Variants in KCNT2 observed in about 807,000 individuals in gnomAD.
KCNT2 encodes the protein potassium sodium-activated channel subfamily T member 2.
KCNT2 carries 67 observed loss-of-function variants against 153.8 expected under a neutral mutation model. The ratio of observed to expected loss-of-function variants is 0.44; its 90% CI spans 0.36 to 0.53. The LOEUF (loss-of-function observed/expected upper bound fraction) is 0.53. Ranked by LOEUF, KCNT2 falls within the 20% of genes least tolerant of loss-of-function variation. KCNT2 has a pLI of 0.00. For synonymous variants in KCNT2, 500 were observed against 458.8 expected, an observed-to-expected ratio of 1.09 and a Z score of -1.15; for missense variants, 975 against 1,354.8, an observed-to-expected ratio of 0.72 and a Z score of 4.40.
At position 196,329,950 on chromosome 1, in the gene KCNT2, C is replaced by CATATATATATATATAT. The variant is rs71154737; in HGVS notation, c.2103+1190_2103+1205dup. ...AAATGGATAATTCTGTTCCTCAAGA[C>CATATATATATATATAT]ATATATATATATATATATATATATA... On this transcript the variant is annotated intron_variant, in intron 18 of 27. Transcript: ENST00000294725. Among the ~76,000 whole-genome samples, 288 of 73,492 alleles carry CATATATATATATATAT rather than the reference C, an allele frequency of 3.9e-3. 5 individuals are homozygous for CATATATATATATATAT. The highest frequency in any genetic ancestry group is 8.3e-3 in the African/African-American group (124 of 14,966). 48.2% of individuals were successfully genotyped at this position (73,492 alleles called of 152,430 possible).
At chr1:196,432,171 G>A (rs1473203330) in intron 8 of KCNT2, among the ~76,000 whole-genome samples, 1 of 152,102 alleles carries the variant, frequency 6.6e-6, no homozygotes, top group Non-Finnish European at 1.5e-5. Flanking sequence ...GGTAAACCTT[G>A]GTGGCATCCA....
Position 196,319,512 on chromosome 1 carries a change from C to G in KCNT2, c.2320G>C (p.Val774Leu), listed in dbSNP as rs1311520146. The change falls in exon 20 of 28, where the codon GTT (valine) becomes CTT (leucine). Residue 774 changes from valine to leucine, a missense_variant. Val to Leu is a conservative substitution (Grantham distance 32). This residue lies in a region of KCNT2 where 325 missense variants were observed against 388.1 expected (regional missense o/e 0.84). Transcript: ENST00000294725. ...TCAATAGAGCCCACCATGTAGTAAA[C>G]CATTGGAAACCAACAGATTGCATCC... is the stretch of plus-strand genomic sequence containing the variant. ...FLDAICWFPM[V>L]YYMVGSIDNL... 9.3e-6 allele frequency: 15 copies of G among 1,610,014 alleles called. No homozygotes were observed. The highest frequency in any genetic ancestry group is 1.7e-6 in the Non-Finnish European group (2 of 1,177,468).
chr1:196,405,603 A>G (rs1671764165), intron 12 of KCNT2, among the ~76,000 whole-genome samples: 1 of 151,446 alleles, frequency 6.6e-6, no homozygotes, highest in Non-Finnish European at 1.5e-5. Flanking sequence ...ACCTCTCCAT[A>G]AATTTATAAT....
chr1:196,478,845 G>A (rs1429327144), intron 5 of KCNT2, among the ~76,000 whole-genome samples: 1 of 152,088 alleles, frequency 6.6e-6, no homozygotes, highest in Admixed American at 6.6e-5. Context: ...TAATTCCTAA[G>A]AGACATGTTT....
chr1:196,436,294 G>C (rs911085907), intron 8 of KCNT2, among the ~76,000 whole-genome samples: 2 of 151,482 alleles, frequency 1.3e-5, no homozygotes, highest in Admixed American at 6.6e-5. Context: ...AATTATTCAA[G>C]TAAAATATAT....
intron 1 of KCNT2, among the ~76,000 whole-genome samples, chr1:196,576,152 G>T (rs1399254180): frequency 6.6e-6 from 1 of 151,134 alleles, no homozygotes; most frequent in Non-Finnish European, 1.5e-5. Flanking sequence ...TGCTAAATAG[G>T]TATGATTATA....
intron 8 of KCNT2, among the ~76,000 whole-genome samples, chr1:196,446,228 G>A (rs147008786): frequency 1.1e-3 from 160 of 151,414 alleles, no homozygotes; most frequent in African/African-American, 3.7e-3. Context: ...GCAAAAGATA[G>A]ATTTCTTTAA....
At chr1:196,524,364 AG>A (rs902700724) in intron 1 of KCNT2, among the ~76,000 whole-genome samples, 1 of 148,898 alleles carries the variant, frequency 6.7e-6, no homozygotes, top group Non-Finnish European at 1.5e-5. Context: ...ACTGAGAATA[AG>A]GGGGGAAAAA....
At chr1:196,569,520 T>A (rs1660517400) in intron 1 of KCNT2, among the ~76,000 whole-genome samples, 1 of 152,232 alleles carries the variant, frequency 6.6e-6, no homozygotes, top group South Asian at 2.1e-4. Context: ...AACATTAGGA[T>A]AAAGCTATCA....
At chr1:196,474,200 T>C (rs902768586) in intron 5 of KCNT2, among the ~76,000 whole-genome samples, 3 of 152,166 alleles carry the variant, frequency 2.0e-5, no homozygotes, top group African/African-American at 7.2e-5. Flanking sequence ...CATGGAACCT[T>C]GGAACTACTA....
At chr1:196,265,919 ATACT>A (rs1323674683) in intron 25 of KCNT2, among the ~76,000 whole-genome samples, 1 of 152,168 alleles carries the variant, frequency 6.6e-6, no homozygotes, top group African/African-American at 2.4e-5. Context: ...AACCCTGATG[ATACT>A]TACTTGAGAC....
chr1:196,273,086 T>C (rs1462823391), intron 25 of KCNT2, among the ~76,000 whole-genome samples: 2 of 151,858 alleles, frequency 1.3e-5, no homozygotes, highest in Non-Finnish European at 2.9e-5. Context: ...GCACTAAGAA[T>C]AACATAAGGG....
intron 13 of KCNT2, among the ~76,000 whole-genome samples, chr1:196,395,252 A>G (rs1194295013): frequency 1.3e-5 from 2 of 151,592 alleles, no homozygotes; most frequent in Admixed American, 6.6e-5. Flanking sequence ...TGAGTTTCGT[A>G]TCAAGGCTAT....
chr1:196,412,044 G>A (rs1672382203), intron 12 of KCNT2, among the ~76,000 whole-genome samples: 1 of 151,726 alleles, frequency 6.6e-6, no homozygotes, highest in Non-Finnish European at 1.5e-5. Flanking sequence ...TGATAATGAT[G>A]TACGAGCTCT....
intron 1 of KCNT2, among the ~76,000 whole-genome samples, chr1:196,526,307 A>C (rs1654197401): frequency 6.6e-6 from 1 of 150,914 alleles, no homozygotes; most frequent in South Asian, 2.1e-4. Flanking sequence ...ATTATAATAT[A>C]TAAATCATAT....
At chr1:196,294,841 A>AC (rs1660534163) in intron 22 of KCNT2, among the ~76,000 whole-genome samples, 1 of 151,742 alleles carries the variant, frequency 6.6e-6, no homozygotes, top group Non-Finnish European at 1.5e-5. Context: ...CTAAAAAAAA[A>AC]TTATGTCATT....
At chr1:196,504,784 G>C (rs1680994699) in intron 1 of KCNT2, among the ~76,000 whole-genome samples, 1 of 152,244 alleles carries the variant, frequency 6.6e-6, no homozygotes, top group South Asian at 2.1e-4. Flanking sequence ...ATTCTAACTG[G>C]TGTGAGATGG....
At chr1:196,367,548 ATAAC>A (rs1262234973) in intron 14 of KCNT2, among the ~76,000 whole-genome samples, 1 of 152,194 alleles carries the variant, frequency 6.6e-6, no homozygotes, top group Non-Finnish European at 1.5e-5. Flanking sequence ...AAATATTTAC[ATAAC>A]TAACAGATAC....
chr1:196,329,484 A>G (rs1406021297), intron 18 of KCNT2, among the ~76,000 whole-genome samples: 1 of 151,940 alleles, frequency 6.6e-6, no homozygotes, highest in Non-Finnish European at 1.5e-5. Flanking sequence ...TTTGGAGATA[A>G]ATTATTTCCA....
Sources: allele counts gnomAD v4.1 joint callset (sites outside exome capture counted in the v4.1 genomes callset), GRCh38; gene constraint gnomAD v4.1.1; regional missense constraint gnomAD v4.1.1; transcripts MANE v1.5; gene names NCBI Gene and HGNC (gene_info 2026-07-23, HGNC 2026-07-21).